The following GIPC2 variants were observed in gnomAD, a reference collection of about 807,000 sequenced individuals.
The protein encoded by GIPC2 is PDZ domain-containing protein GIPC2.
GIPC2 carries 30 observed loss-of-function variants against 30.6 expected under a neutral mutation model. The observed-to-expected ratio is 0.98, with a 90% CI of 0.73 to 1.33. The LOEUF is 1.33. Among genes scored for constraint, GIPC2 ranks in the 40% most tolerant of loss-of-function variants. GIPC2 has a pLI of 0.00. For missense variants in GIPC2, 414 were observed against 390.3 expected (o/e 1.06, Z -0.51); for synonymous variants, 167 against 150.0 (o/e 1.11, Z -0.83).
At chr1:78,127,098 A>G (rs936298054) in intron 5 of GIPC2, among the ~76,000 whole-genome samples, 5 of 152,250 alleles carry the variant, frequency 3.3e-5, no homozygotes. Context: ...ACAGGTATGC[A>G]TTTGAATCAG....
At chr1:78,052,735 CTGTT>C (rs1661218579) in intron 1 of GIPC2, among the ~76,000 whole-genome samples, 1 of 152,188 alleles carries the variant, frequency 6.6e-6, no homozygotes, top group Non-Finnish European at 1.5e-5. Flanking sequence ...ATTTGAGGCT[CTGTT>C]TGCAAGCATA....
intron 3 of GIPC2, among the ~76,000 whole-genome samples, chr1:78,101,800 C>T (rs1048643370): frequency 1.3e-5 from 2 of 152,304 alleles, no homozygotes; most frequent in South Asian, 4.2e-4. Flanking sequence ...TGAAAAGGAG[C>T]ATGGCTTTAC....
intron 3 of GIPC2, among the ~76,000 whole-genome samples, chr1:78,113,922 A>G (rs1028408450): frequency 4.6e-5 from 7 of 151,668 alleles, no homozygotes; most frequent in African/African-American, 1.5e-4. Flanking sequence ...TCAACCATCA[A>G]CCTAGTTTTC....
chr1:78,121,390 T>G (rs550372278), intron 4 of GIPC2, among the ~76,000 whole-genome samples: 1 of 152,238 alleles, frequency 6.6e-6, no homozygotes, highest in South Asian at 2.1e-4. Flanking sequence ...GGTTCCTATG[T>G]GTTTGAAGGG....
At chr1:78,130,145 C>T (rs1452564877) in intron 5 of GIPC2, among the ~76,000 whole-genome samples, 3 of 150,066 alleles carry the variant, frequency 2.0e-5, no homozygotes, top group Admixed American at 6.6e-5. Flanking sequence ...GCTCTGTCAC[C>T]CAGGCTGGAG....
Position 78,097,172 on chromosome 1 carries a change from T to C in GIPC2, c.607+2040T>C, listed in dbSNP as rs112322959. Among the ~76,000 whole-genome samples, 312 of 152,278 alleles carry C rather than the reference T, an allele frequency of 2.0e-3. 4 individuals are homozygous for C. Among genetic ancestry groups the C allele is most frequent in the African/African-American group, 6.7e-3 (280 of 41,558 alleles). On this transcript the variant is annotated intron_variant, in intron 3 of 5. Coordinates refer to ENST00000370759, the MANE Select transcript of GIPC2 (RefSeq NM_017655.6). ...TCAGGCTTCCCCCAATTCTCTTGGTTCTAATCTTATCTTTTGCTATGTTTC... is the reference window on the plus strand; with the variant it reads ...TCAGGCTTCCCCCAATTCTCTTGGTCCTAATCTTATCTTTTGCTATGTTTC...
intron 2 of GIPC2, chr1:78,088,855 A>T (rs1661984475): frequency 6.6e-6 from 1 of 151,636 alleles, no homozygotes; most frequent in Non-Finnish European, 1.5e-5. Context: ...AAGTCAAACT[A>T]TAAAAAATAC....
chr1:78,062,766 A>T (rs147993061), intron 1 of GIPC2, among the ~76,000 whole-genome samples: 1 of 151,890 alleles, frequency 6.6e-6, no homozygotes, highest in South Asian at 2.1e-4. Context: ...CACCCACCCA[A>T]AGTGCTGGGA....
chr1:78,132,410 T>C (rs757935830), intron 5 of GIPC2, among the ~76,000 whole-genome samples: 7 of 152,216 alleles, frequency 4.6e-5, no homozygotes, highest in Non-Finnish European at 1.0e-4. Flanking sequence ...TCTTCACTTT[T>C]CTGCTGTGCC....
chr1:78,045,726 T>A (rs1661054355), upstream of GIPC2: 1 of 985,464 alleles, frequency 1.0e-6, no homozygotes, highest in African/African-American at 1.7e-5. Context: ...ACTACAGATT[T>A]ATGAAAAGCA....
chr1:78,059,433 C>A (rs368252380), intron 1 of GIPC2, among the ~76,000 whole-genome samples: 2 of 152,266 alleles, frequency 1.3e-5, no homozygotes, highest in South Asian at 4.2e-4. Context: ...ATGGTAGAGA[C>A]CCTGGTGTAT....
intron 3 of GIPC2, among the ~76,000 whole-genome samples, chr1:78,117,759 G>T (rs550905024): frequency 1.3e-5 from 2 of 152,112 alleles, no homozygotes; most frequent in African/African-American, 2.4e-5. Context: ...GAAGCGCACG[G>T]TATTTGCAGA....
chr1:78,135,171 G>T (rs934738727), intron 5 of GIPC2, among the ~76,000 whole-genome samples: 2 of 152,196 alleles, frequency 1.3e-5, no homozygotes, highest in Non-Finnish European at 2.9e-5. Context: ...ATCTCAGTTG[G>T]CAGTGGGGGA....
In GIPC2 at chr1:78,083,707, A is replaced by G. The variant is rs529780870; in HGVS notation, c.426+2847A>G. 7.9e-5 allele frequency among the ~76,000 whole-genome samples: 12 copies of G among 152,274 alleles called. No homozygotes were observed. The East Asian group carries it at 2.1e-3, about 27-fold the overall frequency. On this transcript the variant is annotated intron_variant, in intron 2 of 5. Transcript: ENST00000370759. ...CCTTATTTATTGTCAACATGGGTAC[A>G]TGACTTCGTGTTTTACTGAATGGTT...
At chr1:78,107,949 A>C (rs1309592413) in intron 3 of GIPC2, among the ~76,000 whole-genome samples, 1 of 146,734 alleles carries the variant, frequency 6.8e-6, no homozygotes, top group African/African-American at 2.5e-5. Flanking sequence ...AAACAATTTT[A>C]TTATAAATAG....
intron 3 of GIPC2, among the ~76,000 whole-genome samples, chr1:78,115,806 T>G (rs1662557230): frequency 6.6e-6 from 1 of 152,260 alleles, no homozygotes; most frequent in South Asian, 2.1e-4. Flanking sequence ...ATGCTAATTT[T>G]TAATAATTGT....
chr1:78,094,067 A>G (rs1308318215), intron 2 of GIPC2, among the ~76,000 whole-genome samples: 1 of 152,222 alleles, frequency 6.6e-6, no homozygotes, highest in Non-Finnish European at 1.5e-5. Flanking sequence ...CATCTAAAAT[A>G]CATAAATGAA....
At chr1:78,076,049 C>T (rs928259051) in intron 1 of GIPC2, among the ~76,000 whole-genome samples, 5 of 152,310 alleles carry the variant, frequency 3.3e-5, no homozygotes, top group African/African-American at 7.2e-5. Context: ...ACAGAACCAC[C>T]GTTTGGTAGC....
chr1:78,131,960 A>AT (rs1662907557), intron 5 of GIPC2, among the ~76,000 whole-genome samples: 1 of 152,158 alleles, frequency 6.6e-6, no homozygotes, highest in South Asian at 2.1e-4. Context: ...AAGATCAGGT[A>AT]TTTTTTGAAG....
Sources: gnomAD v4.1 joint callset for allele counts (sites outside exome capture counted in the v4.1 genomes callset) on GRCh38, gnomAD v4.1.1 for gene constraint, MANE v1.5 for transcripts, NCBI Gene and HGNC (gene_info 2026-07-23, HGNC 2026-07-21) for gene names.